HELLS: variants seen among roughly 807,000 people sequenced by gnomAD.
HELLS encodes helicase, lymphoid specific, also known as lymphoid-specific helicase.
HELLS carries 32 observed loss-of-function variants against 120.0 expected under a neutral mutation model. That is an observed-to-expected ratio of 0.27 (90% CI 0.20 to 0.36). HELLS has a LOEUF of 0.36. HELLS is among the 10% of genes least tolerant of loss of function. The probability of loss-of-function intolerance (pLI) is 1.00; values close to 1 mark genes in which losing one functional copy is unlikely to be tolerated. For missense variants in HELLS, 650 were observed against 993.4 expected (o/e 0.65, Z 4.65); for synonymous variants, 341 against 323.4 (o/e 1.05, Z -0.58).
intron 3 of HELLS, chr10:94,557,157 T>C (rs1005587817): frequency 2.4e-6 from 1 of 420,148 alleles, no homozygotes; most frequent in Non-Finnish European, 4.8e-6. Context: ...TTTATTGTAT[T>C]TATTGTTTGT....
At chr10:94,554,458 G>A (rs1843143401) in intron 3 of HELLS, among the ~76,000 whole-genome samples, 2 of 152,262 alleles carry the variant, frequency 1.3e-5, no homozygotes, top group African/African-American at 4.8e-5. Context: ...TGTGCTGACA[G>A]TAATCCCCAT....
At position 94,558,175 on chromosome 10, in the gene HELLS, G is replaced by A. The variant is rs767602146; in HGVS notation, c.313G>A (p.Glu105Lys). 2 of 1,567,128 alleles carry A rather than the reference G, an allele frequency of 1.3e-6. No homozygotes were observed. Among genetic ancestry groups the A allele is most frequent in the South Asian group, 2.5e-5 (2 of 79,470 alleles). Residue 105 changes from glutamate to lysine, a missense_variant, in exon 4 of 22, where the codon GAG (glutamate) becomes AAG (lysine). Glu to Lys is a moderately conservative substitution (Grantham distance 56). Coordinates refer to ENST00000348459, the MANE Select transcript of HELLS (RefSeq NM_018063.5). ...GAAAGAAAAATTGGAGAGAAAAAAGGAGTCTTTAAAAGTTAAAAAGGTAAT... is the reference window on the plus strand; with the variant it reads ...GAAAGAAAAATTGGAGAGAAAAAAGAAGTCTTTAAAAGTTAAAAAGGTAAT... The part of the protein sequence containing the change: ...KKKEKLERKK[E>K]SLKVKKGKNS...
At position 94,563,252 on chromosome 10, in the gene HELLS, C is replaced by T. The variant is rs529994615; in HGVS notation, c.435+376C>T. Among the ~76,000 whole-genome samples the T allele has an allele frequency of 2.7e-4, 41 of 152,074 alleles. No individual in the cohort carries two copies. In the South Asian group the frequency reaches 6.4e-3, roughly 24 times the overall value. ...CTGGGATAACAGGTGCCAACCACCA[C>T]GCCTGGCCAATTTTTGTATTTTCAG... is the stretch of plus-strand genomic sequence containing the variant. On this transcript the variant is annotated intron_variant, in intron 6 of 21. Transcript: ENST00000348459.
chr10:94,588,913 G>A (rs796688719), intron 13 of HELLS, among the ~76,000 whole-genome samples: 3 of 152,244 alleles, frequency 2.0e-5, no homozygotes, highest in African/African-American at 7.2e-5. Flanking sequence ...TTGAGAGGCC[G>A]AGGCGGGTGG....
downstream of HELLS, among the ~76,000 whole-genome samples, chr10:94,606,334 T>G (rs150425195): frequency 1.1e-4 from 17 of 152,234 alleles, no homozygotes; most frequent in African/African-American, 4.1e-4. Flanking sequence ...GTGTGGTCCC[T>G]TCTCTGCCTA....
At chr10:94,573,830 G>T (rs558439492) in intron 7 of HELLS, 130 bp from the exon 8 acceptor site, 2 of 568,440 alleles carry the variant, frequency 3.5e-6, no homozygotes, top group Admixed American at 6.7e-5. Context: ...TTTAATCCAG[G>T]TGTGATCTTA....
In HELLS at chr10:94,562,824, A is replaced by G; in HGVS notation, c.383A>G (p.Lys128Arg). Residue 128 changes from lysine to arginine, a missense_variant, in exon 6 of 22, where the codon AAA (lysine) becomes AGA (arginine). Transcript: ENST00000348459. Reference sequence around the variant, plus strand: ...TTTTTTTTTATAGTTATGAGGAAAAAAAGAGGAAGAGAAGATGAATCATAC... The same window carrying G: ...TTTTTTTTTATAGTTATGAGGAAAAGAAGAGGAAGAGAAGATGAATCATAC... ...ASEEKPVMRK[K>R]RGREDESYNI... 1 of 1,573,440 alleles carries G rather than the reference A, an allele frequency of 6.4e-7. No individual in the cohort carries two copies.
Position 94,546,380 on chromosome 10 carries a change from C to T in HELLS, c.35C>T (p.Ser12Leu), listed in dbSNP as rs1042220512. ...TGAAAGCTTTCTCCCCCGTCAGGCT[C>T]GGAGGCTCCAGCAATGGTTGAACAA... ...PAERPAGSGGSEAPAMVEQLD... is the reference protein window; with the variant it reads ...PAERPAGSGGLEAPAMVEQLD... The change falls in exon 2 of 22, where the codon TCG becomes TTG. Residue 12 changes from serine (S) to leucine (L), a missense_variant. Ser to Leu is a moderately radical substitution (Grantham distance 145). This residue lies in a region of HELLS where 90 missense variants were observed against 93.6 expected (regional missense o/e 0.96). Transcript: ENST00000348459. The T allele has an allele frequency of 1.2e-6, 2 of 1,614,064 alleles. No individual in the cohort carries two copies. Among genetic ancestry groups the T allele is most frequent in the South Asian group, 1.1e-5 (1 of 91,062 alleles).
intron 9 of HELLS, among the ~76,000 whole-genome samples, chr10:94,574,962 T>C (rs939211647): frequency 6.6e-6 from 1 of 152,196 alleles, no homozygotes; most frequent in Non-Finnish European, 1.5e-5. Context: ...TGATTTTCAG[T>C]GCATTGGTAA....
At chr10:94,612,476 A>G (rs981326933) in exon 10 of HELLS, 2 of 152,346 alleles carry the variant, frequency 1.3e-5, no homozygotes, top group East Asian at 1.9e-4. Flanking sequence ...ACAAGTGAAC[A>G]GTGGAGTTTT....
At chr10:94,586,751 G>A (rs982805077) in intron 12 of HELLS, among the ~76,000 whole-genome samples, 7 of 152,008 alleles carry the variant, frequency 4.6e-5, no homozygotes, top group African/African-American at 9.7e-5. Flanking sequence ...GGGTGCAGTG[G>A]CAAGATCTTG....
exon 10 of HELLS, chr10:94,611,337 AGT>A (rs1846191784): frequency 1.3e-5 from 2 of 152,146 alleles, no homozygotes; most frequent in African/African-American, 4.8e-5. Flanking sequence ...TAAGTGAAAG[AGT>A]GTACATAAAG....
chr10:94,581,147 G>A (rs939157558), intron 10 of HELLS, among the ~76,000 whole-genome samples, 179 bp from the exon 11 acceptor site: 2 of 152,146 alleles, frequency 1.3e-5, no homozygotes, highest in Non-Finnish European at 2.9e-5. Context: ...ATATCTATCA[G>A]TTTTAGGAAT....
intron 3 of HELLS, chr10:94,557,206 C>T (rs1272170426): frequency 7.1e-6 from 3 of 419,672 alleles, no homozygotes; most frequent in Middle Eastern, 3.4e-4. Context: ...AAAACTTGTG[C>T]AAATTGAGAG....
chr10:94,579,201 CTTT>C (rs11431624), intron 10 of HELLS, among the ~76,000 whole-genome samples: 13 of 133,820 alleles, frequency 9.7e-5, no homozygotes, highest in South Asian at 2.4e-4. Context: ...CTACTTTTTT[CTTT>C]TTTTTTTTTT....
chr10:94,572,725 GTGTGTTCATAAGAAAGTACAGA>G (rs1157799247), intron 7 of HELLS, among the ~76,000 whole-genome samples: 1 of 152,138 alleles, frequency 6.6e-6, no homozygotes, highest in Non-Finnish European at 1.5e-5. Flanking sequence ...CGTGGCAAAT[GTGTGTTCATAAGAAAGTACAGA>G]TTTTCCCCCC....
At chr10:94,559,648 A>T (rs2134011423) in intron 4 of HELLS, among the ~76,000 whole-genome samples, 1 of 151,578 alleles carries the variant, frequency 6.6e-6, no homozygotes, top group Middle Eastern at 3.4e-3. Flanking sequence ...GTTTCACCAT[A>T]TTGGGTGGGC....
At chr10:94,596,144 T>G (rs936691213) in intron 19 of HELLS, among the ~76,000 whole-genome samples, 2 of 152,198 alleles carry the variant, frequency 1.3e-5, no homozygotes, top group Non-Finnish European at 2.9e-5. Flanking sequence ...TTTAGTAGAT[T>G]AATTTTGTAG....
chr10:94,568,208 CTT>C (rs777198935), intron 6 of HELLS, among the ~76,000 whole-genome samples: 24 of 139,064 alleles, frequency 1.7e-4, no homozygotes, highest in Admixed American at 2.9e-4. Flanking sequence ...GCGCCTGGCC[CTT>C]TTTTTTTTTT....
Sources: gnomAD v4.1 joint callset for allele counts (sites outside exome capture counted in the v4.1 genomes callset) on GRCh38, gnomAD v4.1.1 for gene constraint, gnomAD v4.1.1 regional missense constraint, MANE v1.5 for transcripts, NCBI Gene and HGNC (gene_info 2026-07-23, HGNC 2026-07-21) for gene names.